The following SLC24A2 variants were observed in gnomAD, a reference collection of about 807,000 sequenced individuals.
SLC24A2 encodes solute carrier family 24 member 2.
In SLC24A2, 36 loss-of-function variants were observed where a neutral mutation model predicts 62.0. The ratio of observed to expected loss-of-function variants is 0.58; its 90% CI spans 0.44 to 0.77. SLC24A2 has a LOEUF of 0.77. SLC24A2 is among the 30% of genes least tolerant of loss of function. SLC24A2 has a pLI of 0.00. For synonymous variants in SLC24A2, 358 were observed against 294.0 expected, an observed-to-expected ratio of 1.22 and a Z score of -2.23; for missense variants, 846 against 817.9, an observed-to-expected ratio of 1.03 and a Z score of -0.42.
chr9:19,957,530 A>C, the SLC24A2 span: 1 of 152,210 alleles, frequency 6.6e-6, no homozygotes, highest in African/African-American at 2.4e-5. Context: ...GGTCAGTTCC[A>C]CTGGGAAGGG....
At chr9:19,558,128 G>C (rs573205703) in intron 7 of SLC24A2, among the ~76,000 whole-genome samples, 3 of 152,222 alleles carry the variant, frequency 2.0e-5, no homozygotes, top group Admixed American at 6.5e-5. Context: ...AAGCTGATAA[G>C]AAACATCTGA....
the SLC24A2 span, among the ~76,000 whole-genome samples, chr9:20,040,750 C>T: frequency 1.3e-5 from 2 of 152,160 alleles, no homozygotes; most frequent in Non-Finnish European, 2.9e-5. Flanking sequence ...AATTATTTTT[C>T]CTTCTGGAAA....
chr9:20,035,477 T>G, the SLC24A2 span, among the ~76,000 whole-genome samples: 1 of 152,264 alleles, frequency 6.6e-6, no homozygotes, highest in East Asian at 1.9e-4. Flanking sequence ...AAACAGGCTG[T>G]GCATGGTGGC....
At chr9:20,132,591 G>A in the SLC24A2 span, among the ~76,000 whole-genome samples, 1 of 152,014 alleles carries the variant, frequency 6.6e-6, no homozygotes, top group Admixed American at 6.6e-5. Context: ...CCCCAATGGC[G>A]TGGATTCCAC....
the SLC24A2 span, among the ~76,000 whole-genome samples, chr9:19,847,944 C>T: frequency 6.6e-6 from 1 of 152,196 alleles, no homozygotes; most frequent in African/African-American, 2.4e-5. Context: ...CGGATGGCGG[C>T]AGAGGTTCAT....
chr9:20,130,860 C>G, the SLC24A2 span, among the ~76,000 whole-genome samples: 1 of 152,090 alleles, frequency 6.6e-6, no homozygotes, highest in East Asian at 1.9e-4. Context: ...TCATCCAAGA[C>G]TCCTTACCCT....
At chr9:19,880,197 T>C in the SLC24A2 span, among the ~76,000 whole-genome samples, 5 of 152,340 alleles carry the variant, frequency 3.3e-5, no homozygotes, top group East Asian at 9.6e-4. Flanking sequence ...AGAGGTAGCA[T>C]GATATGTGTT....
At chr9:19,577,878 A>G (rs1836076601) in intron 5 of SLC24A2, among the ~76,000 whole-genome samples, 1 of 149,310 alleles carries the variant, frequency 6.7e-6, no homozygotes, top group South Asian at 2.1e-4. Flanking sequence ...ATATTCCAAC[A>G]TATATATATG....
At chr9:19,956,730 A>T in the SLC24A2 span, among the ~76,000 whole-genome samples, 1 of 152,186 alleles carries the variant, frequency 6.6e-6, no homozygotes, top group African/African-American at 2.4e-5. Flanking sequence ...ATTACCTCCC[A>T]CCAGATTCCT....
At chr9:20,231,279 T>C in the SLC24A2 span, among the ~76,000 whole-genome samples, 1 of 152,214 alleles carries the variant, frequency 6.6e-6, no homozygotes, top group Non-Finnish European at 1.5e-5. Flanking sequence ...AGAAAGTCGT[T>C]GGTAGCTTGA....
the SLC24A2 span, among the ~76,000 whole-genome samples, chr9:19,935,618 T>C: frequency 2.6e-5 from 4 of 152,216 alleles, no homozygotes; most frequent in Non-Finnish European, 5.9e-5. Flanking sequence ...ACGAGGCTTC[T>C]TGTCTGTCCA....
At chr9:20,071,825 C>T in the SLC24A2 span, among the ~76,000 whole-genome samples, 2 of 152,112 alleles carry the variant, frequency 1.3e-5, no homozygotes, top group Non-Finnish European at 2.9e-5. Flanking sequence ...GACCAATAGT[C>T]TTCAAGTTGG....
chr9:19,905,926 A>T, the SLC24A2 span, among the ~76,000 whole-genome samples: 2 of 152,212 alleles, frequency 1.3e-5, no homozygotes, highest in African/African-American at 4.8e-5. Flanking sequence ...AACGAGACAG[A>T]AAGTTAACAA....
At chr9:20,037,304 G>C in the SLC24A2 span, among the ~76,000 whole-genome samples, 1 of 152,158 alleles carries the variant, frequency 6.6e-6, no homozygotes, top group Non-Finnish European at 1.5e-5. Flanking sequence ...GGAGAGAAAA[G>C]TCTGTACATG....
the SLC24A2 span, among the ~76,000 whole-genome samples, chr9:19,867,893 G>A: frequency 6.6e-6 from 1 of 152,074 alleles, no homozygotes; most frequent in Admixed American, 6.5e-5. Context: ...GGGCAACAGA[G>A]CGAGACTCTG....
At chr9:19,541,216 A>T (rs1250396923) in intron 8 of SLC24A2, among the ~76,000 whole-genome samples, 1 of 145,180 alleles carries the variant, frequency 6.9e-6, no homozygotes, top group African/African-American at 2.6e-5. Context: ...CGTCAAAATC[A>T]TTCTCCATCC....
the SLC24A2 span, among the ~76,000 whole-genome samples, chr9:20,166,051 T>C: frequency 1.3e-5 from 2 of 151,918 alleles, no homozygotes; most frequent in African/African-American, 4.8e-5. Flanking sequence ...TTAAACATTA[T>C]AAGATTGACA....
the SLC24A2 span, among the ~76,000 whole-genome samples, chr9:20,278,959 G>T: frequency 1.3e-5 from 2 of 152,150 alleles, no homozygotes; most frequent in African/African-American, 2.4e-5. Context: ...AGGCCTCAAG[G>T]CACTTACAAT....
chr9:19,600,952 A>ATTGT (rs1438777493), intron 4 of SLC24A2, among the ~76,000 whole-genome samples: 1 of 152,174 alleles, frequency 6.6e-6, no homozygotes, highest in African/African-American at 2.4e-5. Context: ...TTTTATGAGT[A>ATTGT]TTGTTTTGAG....
Sources: gnomAD v4.1 joint callset for allele counts (sites outside exome capture counted in the v4.1 genomes callset) on GRCh38, gnomAD v4.1.1 for gene constraint, MANE v1.5 for transcripts, NCBI Gene and HGNC (gene_info 2026-07-23, HGNC 2026-07-21) for gene names.